KIAA1217: variants seen among roughly 807,000 people sequenced by gnomAD.
KIAA1217 encodes the protein sickle tail protein homolog.
KIAA1217 carries 88 observed loss-of-function variants against 163.9 expected under a neutral mutation model. That is an observed-to-expected ratio of 0.54 (90% confidence interval 0.45 to 0.64). KIAA1217 has a LOEUF of 0.64. Among genes scored for constraint, KIAA1217 ranks in the 30% least tolerant of loss-of-function variants. The probability of loss-of-function intolerance (pLI) is 0.00; values close to 1 mark genes in which losing one functional copy is unlikely to be tolerated. For missense variants in KIAA1217, 2,372 were observed against 2,475.0 expected (o/e 0.96, Z 0.88); for synonymous variants, 903 against 923.1 (o/e 0.98, Z 0.39).
intron 1 of KIAA1217, among the ~76,000 whole-genome samples, chr10:23,872,164 T>G (rs1840484736): frequency 6.6e-6 from 1 of 152,040 alleles, no homozygotes; most frequent in African/African-American, 2.4e-5. Flanking sequence ...AGAGTGAGAC[T>G]AGGGGGTCTG....
At chr10:23,966,713 A>T (rs1845081686) in intron 1 of KIAA1217, among the ~76,000 whole-genome samples, 1 of 152,180 alleles carries the variant, frequency 6.6e-6, no homozygotes, top group Non-Finnish European at 1.5e-5. Flanking sequence ...AAGACTGGAG[A>T]TTATAGTTTT....
chr10:24,110,602 A>T (rs2062809552), intron 2 of KIAA1217, among the ~76,000 whole-genome samples: 1 of 91,568 alleles, frequency 1.1e-5, no homozygotes, highest in African/African-American at 1.1e-4. Flanking sequence ...GTGGGCCTTA[A>T]AAAAAAAAAA....
chr10:23,840,099 G>A (rs1007426560), intron 1 of KIAA1217, among the ~76,000 whole-genome samples: 2 of 151,892 alleles, frequency 1.3e-5, no homozygotes, highest in African/African-American at 4.8e-5. Flanking sequence ...ACATTTGGTT[G>A]GTATATCTGG....
chr10:23,796,363 AT>A (rs1233541168), intron 1 of KIAA1217, among the ~76,000 whole-genome samples: 1 of 151,278 alleles, frequency 6.6e-6, no homozygotes. Flanking sequence ...TTATTTATTT[AT>A]TTATTTATTT....
chr10:23,882,310 T>A (rs1840986183), intron 1 of KIAA1217, among the ~76,000 whole-genome samples: 1 of 151,872 alleles, frequency 6.6e-6, no homozygotes, highest in South Asian at 2.1e-4. Flanking sequence ...GTATGGCAGT[T>A]TAGATGATCA....
intron 1 of KIAA1217, among the ~76,000 whole-genome samples, chr10:23,932,429 G>A (rs1252852073): frequency 6.6e-6 from 1 of 150,384 alleles, no homozygotes; most frequent in Admixed American, 6.6e-5. Context: ...AAAAAAAAGT[G>A]CAACTTTAGA....
intron 2 of KIAA1217, among the ~76,000 whole-genome samples, chr10:24,181,166 A>G (rs1400271641): frequency 1.3e-5 from 2 of 152,376 alleles, no homozygotes; most frequent in South Asian, 2.1e-4. Context: ...AAGACAGACA[A>G]TGAACAAGGA....
chr10:24,066,182 A>G (rs1263164866), intron 2 of KIAA1217, among the ~76,000 whole-genome samples: 4 of 152,164 alleles, frequency 2.6e-5, no homozygotes, highest in African/African-American at 9.7e-5. Flanking sequence ...TGATCCTGTC[A>G]TTATGATGTT....
At chr10:24,062,060 C>T (rs976191946) in intron 2 of KIAA1217, among the ~76,000 whole-genome samples, 3 of 151,988 alleles carry the variant, frequency 2.0e-5, no homozygotes, top group Non-Finnish European at 2.9e-5. Context: ...TTGGCTTTGA[C>T]TTTACTGATT....
intron 6 of KIAA1217, among the ~76,000 whole-genome samples, chr10:24,475,112 G>C (rs967829451): frequency 6.6e-6 from 1 of 152,078 alleles, no homozygotes; most frequent in African/African-American, 2.4e-5. Context: ...TCAGCTACTC[G>C]GGAGGCTGAG....
At chr10:23,759,402 C>A (rs1834125096) in intron 1 of KIAA1217, among the ~76,000 whole-genome samples, 1 of 152,096 alleles carries the variant, frequency 6.6e-6, no homozygotes, top group Non-Finnish European at 1.5e-5. Context: ...CCTTTGATTT[C>A]TTTTTCTTGC....
chr10:24,167,084 T>C (rs940656290), intron 2 of KIAA1217, among the ~76,000 whole-genome samples: 1 of 152,036 alleles, frequency 6.6e-6, no homozygotes, highest in African/African-American at 2.4e-5. Flanking sequence ...CCTGAATGAT[T>C]AAAAAACAGG....
At chr10:24,389,831 GT>G (rs965522601) in intron 3 of KIAA1217, among the ~76,000 whole-genome samples, 5 of 151,858 alleles carry the variant, frequency 3.3e-5, no homozygotes, top group Admixed American at 2.0e-4. Context: ...GTTTTGTTTT[GT>G]TTTTTTTCAG....
At chr10:24,480,455 G>A (rs2064535462) in intron 6 of KIAA1217, among the ~76,000 whole-genome samples, 1 of 152,224 alleles carries the variant, frequency 6.6e-6, no homozygotes, top group Admixed American at 6.5e-5. Context: ...CCAAGCCAGA[G>A]TGCCTGGGTT....
chr10:23,976,177 C>T (rs573296181), intron 1 of KIAA1217, among the ~76,000 whole-genome samples: 1 of 152,268 alleles, frequency 6.6e-6, no homozygotes, highest in African/African-American at 2.4e-5. Context: ...TATCCTCTCA[C>T]TTTTTGATGA....
chr10:24,364,912 C>T (rs182039631), intron 2 of KIAA1217, among the ~76,000 whole-genome samples: 5 of 152,040 alleles, frequency 3.3e-5, no homozygotes, highest in African/African-American at 9.7e-5. Flanking sequence ...AGTCCTCCCC[C>T]CTCAGCCCCC....
Position 24,524,577 on chromosome 10 carries a change from T to A in KIAA1217, c.2711T>A (p.Leu904Gln). ...IQPSQHSVAL[L>Q]NPAQNLPHVA... ...CCCTCCCAGCACTCCGTGGCCCTGC[T>A]GAACCCTGCTCAGAACTTGCCTCAC... Residue 904 changes from leucine to glutamine, a missense_variant, in exon 13 of 21, where the codon CTG (leucine) becomes CAG (glutamine). Transcript: ENST00000376454. 1 of 1,614,060 alleles carries A rather than the reference T, an allele frequency of 6.2e-7. No individual in the cohort carries two copies. The highest frequency in any genetic ancestry group is 2.2e-5 in the East Asian group (1 of 44,862).
At chr10:24,371,571 T>C (rs2051656267) in intron 2 of KIAA1217, among the ~76,000 whole-genome samples, 1 of 152,244 alleles carries the variant, frequency 6.6e-6, no homozygotes, top group Admixed American at 6.5e-5. Context: ...TTTTGTAGAA[T>C]TGGAAGTTTT....
chr10:24,025,005 T>C (rs569070376), intron 2 of KIAA1217, among the ~76,000 whole-genome samples: 1 of 151,914 alleles, frequency 6.6e-6, no homozygotes, highest in South Asian at 2.1e-4. Flanking sequence ...ACCTTTAACT[T>C]TTGAAGAGCT....
Sources: allele counts gnomAD v4.1 joint callset (sites outside exome capture counted in the v4.1 genomes callset), GRCh38; gene constraint gnomAD v4.1.1; transcripts MANE v1.5; gene names NCBI Gene and HGNC (gene_info 2026-07-23, HGNC 2026-07-21).